CCDC14: variants seen among roughly 807,000 people sequenced by gnomAD.
CCDC14 encodes coiled-coil domain-containing protein 14.
CCDC14 carries 71 observed loss-of-function variants against 81.4 expected under a neutral mutation model. The observed-to-expected ratio is 0.87, with a 90% CI of 0.72 to 1.06. CCDC14 has a LOEUF of 1.06. CCDC14 is among the 50% of genes least tolerant of loss of function. The probability of loss-of-function intolerance (pLI) is 0.00; values close to 1 mark genes in which losing one functional copy is unlikely to be tolerated. For synonymous variants in CCDC14, 332 were observed against 364.8 expected (o/e 0.91, Z 1.03); for missense variants, 1,046 against 1,047.3 (o/e 1.00, Z 0.02).
intron 9 of CCDC14, among the ~76,000 whole-genome samples, chr3:123,937,710 G>A (rs927491126): frequency 6.6e-6 from 1 of 151,546 alleles, no homozygotes; most frequent in Non-Finnish European, 1.5e-5. Flanking sequence ...TATATTTTTT[G>A]TGTTGTATTT....
At position 123,956,439 on chromosome 3, in the gene CCDC14, G is replaced by T. The variant is rs1357048618; in HGVS notation, c.87-12C>A. ...TTCTTAAATAGGTCCTGGAAAACAA[G>T]CTTATTAATATTCTTACAAATATTT... On this transcript the variant is annotated splice_polypyrimidine_tract_variant and intron_variant, in intron 2 of 12. Coordinates refer to ENST00000409697, the MANE Select transcript of CCDC14 (RefSeq NM_001366335.1). The T allele has an allele frequency of 2.6e-6, 4 of 1,519,536 alleles. No homozygotes were observed. The highest frequency in any genetic ancestry group is 3.6e-6 in the Non-Finnish European group (4 of 1,123,036). 94.1% of individuals were successfully genotyped at this position (1,519,536 alleles called of 1,614,324 possible). A position where few individuals can be genotyped will look rare whatever the true frequency, so the allele number is the denominator to read the frequency against.
intron 5 of CCDC14, chr3:123,952,493 A>G (rs2037074850): frequency 2.6e-6 from 1 of 378,362 alleles, no homozygotes; most frequent in Non-Finnish European, 6.0e-6. Context: ...TAAAAAATAC[A>G]TATTTTTTTT....
At chr3:123,930,046 C>CCCA (rs2035606878) in intron 12 of CCDC14, among the ~76,000 whole-genome samples, 1 of 152,182 alleles carries the variant, frequency 6.6e-6, no homozygotes, top group African/African-American at 2.4e-5. Context: ...GAACCTCTGA[C>CCCA]TAGAACCTAA....
chr3:123,960,532 G>A (rs968832473), intron 1 of CCDC14, among the ~76,000 whole-genome samples: 4 of 152,090 alleles, frequency 2.6e-5, no homozygotes, highest in Non-Finnish European at 2.9e-5. Flanking sequence ...ACCTCATAAG[G>A]ATATCGTGAC....
chr3:123,908,091 A>G (rs978926870), intron 5 of CCDC14, among the ~76,000 whole-genome samples: 1 of 152,204 alleles, frequency 6.6e-6, no homozygotes, highest in African/African-American at 2.4e-5. Context: ...TAAAATAAGA[A>G]GAAAAATAAA....
At chr3:123,904,980 G>A (rs1275368325) in intron 5 of CCDC14, among the ~76,000 whole-genome samples, 1 of 152,064 alleles carries the variant, frequency 6.6e-6, no homozygotes, top group Non-Finnish European at 1.5e-5. Context: ...TTAAAAGTAT[G>A]GTATTGCACA....
chr3:123,927,613 T>TTATG (rs938439469), intron 12 of CCDC14, among the ~76,000 whole-genome samples: 1 of 151,816 alleles, frequency 6.6e-6, no homozygotes, highest in African/African-American at 2.4e-5. Context: ...GAGGCAGGAT[T>TTATG]TATGCCCAGC....
intron 3 of CCDC14, 74 bp from the exon 4 acceptor site, chr3:123,956,189 T>G: frequency 7.2e-7 from 1 of 1,390,892 alleles, no homozygotes. Flanking sequence ...AATTATGTAG[T>G]TTTAAAATTT....
chr3:123,919,943 G>T (rs2034944498), intron 12 of CCDC14, among the ~76,000 whole-genome samples: 1 of 152,100 alleles, frequency 6.6e-6, no homozygotes, highest in South Asian at 2.1e-4. Flanking sequence ...GAGAGACAAA[G>T]AATTGAGAAT....
chr3:123,949,463 A>G (rs1467405565), intron 5 of CCDC14: 1 of 246,120 alleles, frequency 4.1e-6, no homozygotes, highest in East Asian at 8.8e-5. Context: ...AAACTCCTTC[A>G]CCTTGTTCCT....
intron 1 of CCDC14, among the ~76,000 whole-genome samples, chr3:123,960,902 G>A (rs1276014697): frequency 6.6e-6 from 1 of 152,124 alleles, no homozygotes; most frequent in Non-Finnish European, 1.5e-5. Context: ...CTCGAACCCG[G>A]GCCTGACCCC....
At position 123,914,986 on chromosome 3, in the gene CCDC14, A is replaced by T; in HGVS notation, c.2511T>A (p.Gly837=). Residue 837 remains glycine, a synonymous_variant, in exon 13 of 13, where the codon GGT becomes GGA. Transcript: ENST00000409697. ...TCACTTGAAGGCTGTTGCTAAGACA[A>T]CCTGATGGGCCATGACATGCAGTTT... is the stretch of plus-strand genomic sequence containing the variant. ...EEQTACHGPS[G]CLSNSLQVKG... is the part of the protein sequence containing the mutation. 1 of 1,614,030 alleles carries T rather than the reference A, an allele frequency of 6.2e-7. No homozygotes were observed. The highest frequency in any genetic ancestry group is 8.5e-7 in the Non-Finnish European group (1 of 1,179,880).
intron 9 of CCDC14, among the ~76,000 whole-genome samples, chr3:123,943,117 T>C (rs765136124): frequency 2.0e-5 from 3 of 151,876 alleles, no homozygotes; most frequent in Non-Finnish European, 4.4e-5. Flanking sequence ...TGCATATACA[T>C]ACATACACAT....
At chr3:123,959,857 C>A (rs541241137) in intron 1 of CCDC14, among the ~76,000 whole-genome samples, 23 of 152,040 alleles carry the variant, frequency 1.5e-4, no homozygotes, top group African/African-American at 5.5e-4. Context: ...ACTTTTAAAT[C>A]TTTTTCATAT....
chr3:123,929,067 G>T (rs996863265), intron 12 of CCDC14, among the ~76,000 whole-genome samples: 15 of 152,130 alleles, frequency 9.9e-5, no homozygotes, highest in African/African-American at 3.1e-4. Context: ...AAAAAAGATT[G>T]TGAGAAGGAA....
At chr3:123,919,172 T>C (rs1295083784) in intron 12 of CCDC14, among the ~76,000 whole-genome samples, 2 of 152,028 alleles carry the variant, frequency 1.3e-5, no homozygotes, top group African/African-American at 2.4e-5. Context: ...TGCCAGACTT[T>C]AGTGTCCCTA....
downstream of CCDC14, among the ~76,000 whole-genome samples, chr3:123,912,249 C>T (rs568574905): frequency 3.4e-4 from 52 of 152,216 alleles, no homozygotes; most frequent in African/African-American, 1.2e-3. Flanking sequence ...ACGCTTTTTG[C>T]ACTCTGGGAC....
chr3:123,902,220 A>G (rs538794422), intron 5 of CCDC14, among the ~76,000 whole-genome samples: 5 of 152,240 alleles, frequency 3.3e-5, no homozygotes, highest in African/African-American at 1.2e-4. Flanking sequence ...CCTTATTTAT[A>G]TGAACTATAC....
chr3:123,946,049 A>G (rs2036606465), intron 8 of CCDC14, among the ~76,000 whole-genome samples: 2 of 152,170 alleles, frequency 1.3e-5, no homozygotes, highest in South Asian at 4.1e-4. Flanking sequence ...GAAAATGGTA[A>G]TAAGTTGAAG....
Sources: gnomAD v4.1 joint callset for allele counts (sites outside exome capture counted in the v4.1 genomes callset) on GRCh38, gnomAD v4.1.1 for gene constraint, MANE v1.5 for transcripts, NCBI Gene and HGNC (gene_info 2026-07-23, HGNC 2026-07-21) for gene names.